CALN1: variants seen among roughly 807,000 people sequenced by gnomAD.
The protein encoded by CALN1 is calneuron 1.
A neutral mutation model predicts 30.6 loss-of-function variants in CALN1; 17 were observed. That is an observed-to-expected ratio of 0.56 (90% CI 0.38 to 0.83). CALN1 has a LOEUF of 0.83. CALN1 is among the 40% of genes least tolerant of loss of function. The pLI is 0.00. For synonymous variants in CALN1, 156 were observed against 131.4 expected, an observed-to-expected ratio of 1.19 and a Z score of -1.28; for missense variants, 291 against 354.9, an observed-to-expected ratio of 0.82 and a Z score of 1.45.
intron 5 of CALN1, among the ~76,000 whole-genome samples, chr7:71,885,169 TGAGACGGA>T (rs1792825757): frequency 6.6e-6 from 1 of 152,236 alleles, no homozygotes; most frequent in Admixed American, 6.5e-5. Flanking sequence ...TTCTTTTTTT[TGAGACGGA>T]GTCTTGCTCT....
At chr7:72,141,304 G>C (rs1422700506) in intron 3 of CALN1, among the ~76,000 whole-genome samples, 5 of 150,810 alleles carry the variant, frequency 3.3e-5, no homozygotes, top group Non-Finnish European at 7.4e-5. Flanking sequence ...AAAAAGAAAA[G>C]AAAAAGAAAA....
At chr7:72,378,413 T>C (rs556682688) in intron 2 of CALN1, among the ~76,000 whole-genome samples, 59 of 152,310 alleles carry the variant, frequency 3.9e-4, no homozygotes, top group African/African-American at 1.2e-3. Flanking sequence ...CTGCCAGCTT[T>C]TGACTAGTTT....
intron 2 of CALN1, among the ~76,000 whole-genome samples, chr7:72,288,071 G>C (rs1023451146): frequency 1.3e-5 from 2 of 152,128 alleles, no homozygotes; most frequent in African/African-American, 4.8e-5. Context: ...TCAGAATCAG[G>C]AGCTGCTTAA....
At chr7:71,799,597 C>G (rs1787185082) in intron 6 of CALN1, among the ~76,000 whole-genome samples, 1 of 152,038 alleles carries the variant, frequency 6.6e-6, no homozygotes, top group Non-Finnish European at 1.5e-5. Flanking sequence ...TCCCTAGTAG[C>G]TGCGATTACA....
At chr7:71,891,199 G>C (rs564249799) in intron 5 of CALN1, among the ~76,000 whole-genome samples, 1 of 151,884 alleles carries the variant, frequency 6.6e-6, no homozygotes. Context: ...AGTTTGTTTC[G>C]ATTTTTATTG....
chr7:72,328,180 G>A (rs1801415231), intron 2 of CALN1, among the ~76,000 whole-genome samples: 1 of 151,894 alleles, frequency 6.6e-6, no homozygotes, highest in Non-Finnish European at 1.5e-5. Flanking sequence ...GCCACTTATT[G>A]GGCACCTTGT....
In CALN1 at chr7:72,285,596, T is replaced by A. The variant is rs749006178; in HGVS notation, c.120-6786A>T. ...TACAAATGACCGAAACTAAAAAAAA[T>A]TAAAACTGGTCCTTCCTCACAAATA... On this transcript the variant is annotated intron_variant, in intron 2 of 6. Transcript: ENST00000395275. 7.9e-5 allele frequency among the ~76,000 whole-genome samples: 12 copies of A among 152,264 alleles called. No individual in the cohort carries two copies. In the South Asian group the frequency reaches 2.5e-3, roughly 32 times the overall value.
rs183911723 is a variant in CALN1, at chr7:72,332,070, T to C, written c.120-53260A>G. Among the ~76,000 whole-genome samples, 542 of 152,342 alleles carry C rather than the reference T, an allele frequency of 3.6e-3. 4 individuals carry two copies. Among genetic ancestry groups the C allele is most frequent in the Middle Eastern group, 0.017 (5 of 294 alleles). ...GCTGCATAGTATTCCATGGTGTATA[T>C]GTACCACGTTTTCTTTATCCAGTCT... On this transcript the variant is annotated intron_variant, in intron 2 of 6. Coordinates refer to ENST00000395275, the MANE Select transcript of CALN1 (RefSeq NM_031468.4).
intron 3 of CALN1, among the ~76,000 whole-genome samples, chr7:72,224,827 G>A (rs140461964): frequency 3.2e-4 from 48 of 151,786 alleles, no homozygotes; most frequent in Middle Eastern, 3.4e-3. Context: ...GGTGGCTCAC[G>A]CCTGTAATCC....
the CALN1 span, among the ~76,000 whole-genome samples, chr7:72,496,591 A>C: frequency 2.6e-5 from 4 of 152,248 alleles, no homozygotes; most frequent in Non-Finnish European, 5.9e-5. Context: ...GAATTCAATC[A>C]AAAAGCTAAC....
chr7:72,010,241 G>A (rs1041499324), intron 5 of CALN1, among the ~76,000 whole-genome samples: 4 of 152,092 alleles, frequency 2.6e-5, no homozygotes, highest in African/African-American at 7.2e-5. Flanking sequence ...TCATAAAAAG[G>A]ATTAATCCCC....
At chr7:72,492,850 T>C in the CALN1 span, among the ~76,000 whole-genome samples, 1 of 152,202 alleles carries the variant, frequency 6.6e-6, no homozygotes, top group African/African-American at 2.4e-5. Flanking sequence ...CCAGGACGTA[T>C]GGACAATGGT....
chr7:72,270,615 T>A (rs184741663), intron 3 of CALN1, among the ~76,000 whole-genome samples: 316 of 151,156 alleles, frequency 2.1e-3, no homozygotes, highest in Non-Finnish European at 3.2e-3. Flanking sequence ...CTAAAAAAAA[T>A]TTTTTTTTAA....
chr7:72,278,624 C>A (rs1797520293), intron 3 of CALN1, 62 bp downstream of exon 3: 1 of 1,585,702 alleles, frequency 6.3e-7, no homozygotes, highest in Admixed American at 1.7e-5. Flanking sequence ...TTGAGCTTCA[C>A]AATAGCCAGA....
chr7:72,501,424 GGAA>G, the CALN1 span, among the ~76,000 whole-genome samples: 6 of 130,216 alleles, frequency 4.6e-5, no homozygotes, highest in Non-Finnish European at 8.2e-5. Context: ...AGAAGAAAGA[GGAA>G]GAAGAAGAAG....
At chr7:72,070,758 CCT>C (rs74802286) in intron 4 of CALN1, among the ~76,000 whole-genome samples, 3,336 of 152,218 alleles carry the variant, frequency 0.022, 127 homozygotes, top group East Asian at 0.17. Flanking sequence ...ATCTCGTCCC[CCT>C]GTTAGACTTT....
chr7:72,047,900 G>A (rs1219157632), intron 4 of CALN1, among the ~76,000 whole-genome samples: 2 of 152,140 alleles, frequency 1.3e-5, no homozygotes. Context: ...GCTGCAGAAG[G>A]AAAATGCAGG....
the CALN1 span, among the ~76,000 whole-genome samples, chr7:72,456,507 G>C: frequency 6.6e-6 from 1 of 151,984 alleles, no homozygotes; most frequent in Non-Finnish European, 1.5e-5. Flanking sequence ...CACTGCACTC[G>C]AGCCCATGAG....
intron 5 of CALN1, among the ~76,000 whole-genome samples, chr7:72,010,865 G>A (rs1800036365): frequency 6.7e-6 from 1 of 148,646 alleles, no homozygotes; most frequent in Admixed American, 6.8e-5. Context: ...GGAAAGGAAA[G>A]GAAAATTAGC....
Sources: allele counts gnomAD v4.1 joint callset (sites outside exome capture counted in the v4.1 genomes callset), GRCh38; gene constraint gnomAD v4.1.1; transcripts MANE v1.5; gene names NCBI Gene and HGNC (gene_info 2026-07-23, HGNC 2026-07-21).